Variants in PCBP3 observed in about 807,000 individuals in gnomAD.
PCBP3 encodes the protein poly(rC)-binding protein 3.
A neutral mutation model predicts 52.7 loss-of-function variants in PCBP3; 25 were observed. The observed-to-expected ratio is 0.47, with a 90% CI of 0.35 to 0.66. The LOEUF is 0.66. Among genes scored for constraint, PCBP3 ranks in the 30% least tolerant of loss-of-function variants. The pLI is 0.01. For missense variants in PCBP3, 391 were observed against 490.3 expected (o/e 0.80, Z 1.91); for synonymous variants, 162 against 183.0 (o/e 0.89, Z 0.93).
In PCBP3 at chr21:45,849,197, CT is replaced by C. The variant is rs1242650163; in HGVS notation, c.-125-751del. The stretch of plus-strand genomic sequence containing the variant: ...TTTTCTCCCAAGGTTCCAAATATGC[CT>C]TTTTTTTTTTTTCTTTTTTGAGACG... On this transcript the variant is annotated intron_variant, in intron 4 of 17. Coordinates refer to ENST00000681687, the MANE Select transcript of PCBP3 (RefSeq NM_001384156.1). 2.8e-3 allele frequency among the ~76,000 whole-genome samples: 389 copies of C among 138,034 alleles called. 3 individuals are homozygous for C. The highest frequency in any genetic ancestry group is 7.4e-3 in the African/African-American group (277 of 37,632). The allele number at this position is 138,034 out of a possible 152,430, so 90.6% of individuals were successfully genotyped here.
intron 4 of PCBP3, among the ~76,000 whole-genome samples, chr21:45,814,807 T>G (rs1393142522): frequency 2.0e-4 from 15 of 75,546 alleles, no homozygotes; most frequent in East Asian, 3.9e-4. Flanking sequence ...TGGTGAGTGG[T>G]GAGTGAGTGG....
chr21:45,806,745 G>A (rs1441549870), intron 4 of PCBP3, among the ~76,000 whole-genome samples: 1 of 151,950 alleles, frequency 6.6e-6, no homozygotes, highest in South Asian at 2.1e-4. Flanking sequence ...CACACCCCAC[G>A]GAACATCTCT....
At chr21:45,732,489 C>T (rs1243528159) in intron 2 of PCBP3, among the ~76,000 whole-genome samples, 2 of 143,414 alleles carry the variant, frequency 1.4e-5, no homozygotes, top group African/African-American at 2.7e-5. Context: ...TTCTTTTTTA[C>T]TGGCTGCCTT....
chr21:45,666,072 T>G (rs2080774474), intron 1 of PCBP3, among the ~76,000 whole-genome samples: 1 of 152,152 alleles, frequency 6.6e-6, no homozygotes, highest in African/African-American at 2.4e-5. Context: ...AATTCATCTT[T>G]TCATGAAAAA....
intron 5 of PCBP3, among the ~76,000 whole-genome samples, chr21:45,895,389 G>A (rs773993506): frequency 5.1e-4 from 78 of 152,270 alleles, no homozygotes; most frequent in Non-Finnish European, 7.9e-4. Context: ...CAGCCCCCTC[G>A]GTGAGGTGTT....
At chr21:45,654,294 C>A (rs1409226600) in intron 1 of PCBP3, among the ~76,000 whole-genome samples, 1 of 147,372 alleles carries the variant, frequency 6.8e-6, no homozygotes, top group Non-Finnish European at 1.5e-5. Flanking sequence ...AAAGGGCCCT[C>A]TTTAGAAATT....
Position 45,741,117 on chromosome 21 carries a change from A to AG in PCBP3, c.-162+5691dup, listed in dbSNP as rs2086416251. On this transcript the variant is annotated intron_variant, in intron 3 of 17. Transcript: ENST00000681687. The surrounding 1 kb of genome is among the most constrained non-coding windows in gnomAD (Gnocchi z 4.5). ...CTGGGAACCTAGGAACAGACACAGG[A>AG]GGGAGGGAAAGGAGCCACTTGGTGG... Among the ~76,000 whole-genome samples, 1 of 152,080 alleles carries AG rather than the reference A, an allele frequency of 6.6e-6. No homozygotes were observed. Among genetic ancestry groups the AG allele is most frequent in the African/African-American group, 2.4e-5 (1 of 41,420 alleles).
intron 2 of PCBP3, among the ~76,000 whole-genome samples, chr21:45,678,910 G>A (rs2081639502): frequency 6.6e-6 from 1 of 151,984 alleles, no homozygotes; most frequent in African/African-American, 2.4e-5. Context: ...GTGAAAGGAA[G>A]AGTCCATTGA....
At chr21:45,760,262 G>A (rs1284275071) in intron 4 of PCBP3, 1 of 152,064 alleles carries the variant, frequency 6.6e-6, no homozygotes, top group Non-Finnish European at 1.5e-5. Context: ...CCACAGCCTC[G>A]AACTCCTGGG....
At chr21:45,809,700 G>A (rs987484482) in intron 4 of PCBP3, among the ~76,000 whole-genome samples, 4 of 152,252 alleles carry the variant, frequency 2.6e-5, no homozygotes, top group African/African-American at 9.6e-5. Flanking sequence ...TGCGATCCGG[G>A]TCGGGGCAAG....
intron 2 of PCBP3, among the ~76,000 whole-genome samples, chr21:45,720,798 G>A (rs1044806632): frequency 1.3e-5 from 2 of 152,190 alleles, no homozygotes; most frequent in Non-Finnish European, 2.9e-5. Flanking sequence ...GAGGGTGCAG[G>A]CTTCATGTTT....
At chr21:45,797,396 G>A (rs74709159) in intron 4 of PCBP3, among the ~76,000 whole-genome samples, 18 of 1,044 alleles carry the variant, frequency 0.017, no homozygotes, top group South Asian at 0.028. Flanking sequence ...AGTTGAGTGC[G>A]TGGATCTGTA....
intron 5 of PCBP3, among the ~76,000 whole-genome samples, chr21:45,862,508 C>T (rs2094548432): frequency 6.6e-6 from 1 of 152,188 alleles, no homozygotes; most frequent in South Asian, 2.1e-4. Context: ...CACATATCAA[C>T]CGTGGTCCTT....
chr21:45,784,605 C>A (rs2090955401), intron 4 of PCBP3, among the ~76,000 whole-genome samples: 1 of 152,156 alleles, frequency 6.6e-6, no homozygotes, highest in Non-Finnish European at 1.5e-5. Flanking sequence ...CAATTGCAGG[C>A]GCGCGCCGCC....
At chr21:45,839,041 A>G (rs2093647169) in intron 4 of PCBP3, among the ~76,000 whole-genome samples, 1 of 152,208 alleles carries the variant, frequency 6.6e-6, no homozygotes, top group African/African-American at 2.4e-5. Flanking sequence ...AACATGAACA[A>G]ATGTGTGCAT....
chr21:45,876,888 G>A (rs1343861442), intron 5 of PCBP3, among the ~76,000 whole-genome samples: 2 of 152,210 alleles, frequency 1.3e-5, no homozygotes, highest in African/African-American at 4.8e-5. Context: ...GACAGCGCTC[G>A]CTGCGGCTGC....
intron 1 of PCBP3, among the ~76,000 whole-genome samples, chr21:45,658,495 G>T (rs551532230): frequency 6.6e-6 from 1 of 152,074 alleles, no homozygotes; most frequent in Admixed American, 6.6e-5. Flanking sequence ...GTTGAGACAG[G>T]GTCTTACCAT....
chr21:45,707,714 T>C (rs1183949723), intron 2 of PCBP3, among the ~76,000 whole-genome samples: 1 of 152,130 alleles, frequency 6.6e-6, no homozygotes, highest in Non-Finnish European at 1.5e-5. Context: ...AGAGGTATTA[T>C]TAGGAGCATA....
chr21:45,729,452 A>G (rs1024569623), intron 2 of PCBP3, among the ~76,000 whole-genome samples: 3 of 152,006 alleles, frequency 2.0e-5, no homozygotes, highest in Admixed American at 2.0e-4. Context: ...TCTATGTTTA[A>G]CTTTTTGAGG....
Sources: gnomAD v4.1 joint callset for allele counts (sites outside exome capture counted in the v4.1 genomes callset) on GRCh38, gnomAD v4.1.1 for gene constraint, Gnocchi (gnomAD v3.1) non-coding constraint, MANE v1.5 for transcripts, NCBI Gene and HGNC (gene_info 2026-07-23, HGNC 2026-07-21) for gene names.